The following DACH2 variants were observed in gnomAD, a reference collection of about 807,000 sequenced individuals.
The protein encoded by DACH2 is dachshund homolog 2.
In DACH2, 17 loss-of-function variants were observed where a neutral mutation model predicts 35.8. The observed-to-expected ratio is 0.48, with a 90% CI of 0.33 to 0.71. DACH2 has a LOEUF of 0.71. DACH2 is among the 30% of genes least tolerant of loss of function. The pLI is 0.02. For synonymous variants in DACH2, 195 were observed against 177.3 expected (o/e 1.10, Z -0.79); for missense variants, 469 against 472.7 (o/e 0.99, Z 0.07).
At chrX:86,495,204 G>C in intron 2 of DACH2, among the ~76,000 whole-genome samples, 1 of 109,340 alleles carries the variant, frequency 9.1e-6, no homozygotes, top group Admixed American at 9.8e-5. Context: ...CCTGCTACCA[G>C]GCCTGGTTAT....
At chrX:86,292,855 C>T (rs2034337723) in intron 1 of DACH2, among the ~76,000 whole-genome samples, 1 of 107,909 alleles carries the variant, frequency 9.3e-6, no homozygotes, top group South Asian at 4.2e-4. Context: ...AGTATGTGGT[C>T]AATTTTGGAA....
rs748946291 is a variant in DACH2, at chrX:86,394,275, T to C, written c.527+17413T>C. Among the ~76,000 whole-genome samples, 13 of 110,770 alleles carry C rather than the reference T, an allele frequency of 1.2e-4. No individual in the cohort carries two copies. In the South Asian group the frequency reaches 4.6e-3, roughly 39 times the overall value. ...ACAGTAAGTGCTAAATAAATATTAGTTTATGATAATTAATTATAATTTTAT... is the reference window on the plus strand; with the variant it reads ...ACAGTAAGTGCTAAATAAATATTAGCTTATGATAATTAATTATAATTTTAT... On this transcript the variant is annotated intron_variant, in intron 2 of 11. Coordinates refer to ENST00000373125, the MANE Select transcript of DACH2 (RefSeq NM_053281.3).
intron 2 of DACH2, among the ~76,000 whole-genome samples, chrX:86,395,058 C>T (rs1159220519): frequency 9.0e-6 from 1 of 111,726 alleles, no homozygotes; most frequent in African/African-American, 3.3e-5. Context: ...ACTCTAAGTG[C>T]ACATCTTAGG....
chrX:86,535,634 G>A (rs182124980), intron 3 of DACH2, among the ~76,000 whole-genome samples: 2 of 110,587 alleles, frequency 1.8e-5, no homozygotes, highest in African/African-American at 6.6e-5. Context: ...AACACCAAAG[G>A]TTCTTGCCTT....
intron 1 of DACH2, among the ~76,000 whole-genome samples, chrX:86,309,798 G>A (rs1266946420): frequency 8.9e-6 from 1 of 112,080 alleles, no homozygotes; most frequent in Non-Finnish European, 1.9e-5. Flanking sequence ...GATTTTGGAG[G>A]CAATACATTC....
intron 1 of DACH2, among the ~76,000 whole-genome samples, chrX:86,358,657 G>T (rs141291219): frequency 0.013 from 1,445 of 111,360 alleles, 67 homozygotes; most frequent in Admixed American, 0.12. Context: ...GGCAAGGTTA[G>T]GTAGTGGAAA....
intron 1 of DACH2, among the ~76,000 whole-genome samples, chrX:86,254,158 G>T (rs2033454793): frequency 9.0e-6 from 1 of 111,569 alleles, no homozygotes; most frequent in South Asian, 3.7e-4. Context: ...TTACATTTTA[G>T]ATCATAGGGA....
At chrX:86,509,726 A>C (rs2038370951) in intron 2 of DACH2, among the ~76,000 whole-genome samples, 1 of 112,135 alleles carries the variant, frequency 8.9e-6, no homozygotes, top group African/African-American at 3.2e-5. Context: ...ATTCTTATTT[A>C]ATATAACGTG....
At chrX:86,345,785 C>A (rs1371006677) in intron 1 of DACH2, among the ~76,000 whole-genome samples, 1 of 111,372 alleles carries the variant, frequency 9.0e-6, no homozygotes, top group African/African-American at 3.3e-5. Context: ...ACGGCCTTAT[C>A]TTTATTATTA....
intron 3 of DACH2, among the ~76,000 whole-genome samples, chrX:86,626,492 G>A (rs1337742236): frequency 1.8e-5 from 2 of 112,677 alleles, no homozygotes; most frequent in Non-Finnish European, 3.8e-5. Context: ...GTTCCACTGG[G>A]CAGTGCACTG....
chrX:86,713,883 GA>G (rs1377757510), intron 5 of DACH2, among the ~76,000 whole-genome samples: 30 of 111,639 alleles, frequency 2.7e-4, no homozygotes, highest in African/African-American at 9.7e-4. Flanking sequence ...ACTTGCATAA[GA>G]AAAAAATGAA....
chrX:86,347,660 C>T (rs2035520832), intron 1 of DACH2, among the ~76,000 whole-genome samples: 4 of 112,637 alleles, frequency 3.6e-5, no homozygotes, highest in Non-Finnish European at 7.5e-5. Flanking sequence ...CTCTGGGCAA[C>T]TTTTAAAAAG....
intron 2 of DACH2, among the ~76,000 whole-genome samples, chrX:86,439,688 T>C (rs1448131949): frequency 8.9e-6 from 1 of 111,782 alleles, no homozygotes; most frequent in Non-Finnish European, 1.9e-5. Context: ...TTTTTTCTTT[T>C]TTTAGTTTCT....
intron 4 of DACH2, among the ~76,000 whole-genome samples, chrX:86,669,030 T>A (rs1196264586): frequency 8.9e-6 from 1 of 111,767 alleles, no homozygotes; most frequent in East Asian, 2.8e-4. Flanking sequence ...ACAGGCTAAA[T>A]GTAACAGCTA....
rs760166213 is a variant in DACH2, at chrX:86,256,579, G to A, written c.488+107471G>A. Among the ~76,000 whole-genome samples, 65 of 111,456 alleles carry A rather than the reference G, an allele frequency of 5.8e-4. 1 individual carries two copies. The highest frequency in any genetic ancestry group is 1.1e-3 in the Non-Finnish European group (59 of 53,091). The stretch of plus-strand genomic sequence containing the variant: ...AACAACATACTGCATCTGACTGAAC[G>A]TAGAAGAGAATTCAGTTGTCTTTTG... On this transcript the variant is annotated intron_variant, in intron 1 of 11. Transcript: ENST00000373125.
chrX:86,648,357 T>G (rs779844251), intron 3 of DACH2, among the ~76,000 whole-genome samples: 11 of 111,080 alleles, frequency 9.9e-5, no homozygotes, highest in African/African-American at 2.6e-4. Context: ...TGAATCAGCT[T>G]TATGTATTGC....
At chrX:86,222,878 A>G (rs1025322642) in intron 1 of DACH2, among the ~76,000 whole-genome samples, 3 of 110,922 alleles carry the variant, frequency 2.7e-5, no homozygotes, top group African/African-American at 9.8e-5. Flanking sequence ...ACCCTCATAT[A>G]AAGGGAGTAC....
chrX:86,442,415 CTTTTT>C lies in DACH2; in HGVS notation c.527+65555_527+65559del, dbSNP rs1248227297. On this transcript the variant is annotated intron_variant, in intron 2 of 11. Coordinates refer to ENST00000373125, the MANE Select transcript of DACH2 (RefSeq NM_053281.3). ...TGTTTTTTTTTTTTTTTGCTATTGT[CTTTTT>C]TGAGTTTCTTACGCAATCTGGATAT... 3.2e-3 allele frequency among the ~76,000 whole-genome samples: 158 copies of C among 49,122 alleles called. 2 individuals carry two copies. Among genetic ancestry groups the C allele is most frequent in the African/African-American group, 0.012 (152 of 13,039 alleles). 42.7% of individuals were successfully genotyped at this position (49,122 alleles called of 115,157 possible). A position where few individuals can be genotyped will look rare whatever the true frequency, so the allele number is the denominator to read the frequency against.
rs185307116 is a variant in DACH2, at chrX:86,385,397, G to A, written c.527+8535G>A. Among the ~76,000 whole-genome samples the A allele has an allele frequency of 3.2e-3, 354 of 111,058 alleles. 2 individuals are homozygous for A. The highest frequency in any genetic ancestry group is 0.011 in the African/African-American group (341 of 30,693). ...CATAGAGGCAGCCCTCCGTATCCAT[G>A]GTTCTGCATCCTTGGACTGAAAATA... On this transcript the variant is annotated intron_variant, in intron 2 of 11. Coordinates refer to ENST00000373125, the MANE Select transcript of DACH2 (RefSeq NM_053281.3).
Sources: allele counts gnomAD v4.1 joint callset (sites outside exome capture counted in the v4.1 genomes callset), GRCh38; gene constraint gnomAD v4.1.1; transcripts MANE v1.5; gene names NCBI Gene and HGNC (gene_info 2026-07-23, HGNC 2026-07-21).